Variants in CASZ1 observed in about 807,000 individuals in gnomAD.
CASZ1 encodes zinc finger protein castor homolog 1.
A neutral mutation model predicts 135.2 loss-of-function variants in CASZ1; 28 were observed. That is an observed-to-expected ratio of 0.21 (90% CI 0.15 to 0.28). CASZ1 has a LOEUF of 0.28. Ranked by LOEUF, CASZ1 falls within the 10% of genes least tolerant of loss-of-function variation. CASZ1 has a pLI of 1.00. For missense variants in CASZ1, 2,161 were observed against 2,453.3 expected, an observed-to-expected ratio of 0.88 and a Z score of 2.52; for synonymous variants, 1,068 against 1,073.4, an observed-to-expected ratio of 0.99 and a Z score of 0.10.
intron 2 of CASZ1, among the ~76,000 whole-genome samples, chr1:10,743,135 C>T (rs1570548076): frequency 6.6e-6 from 1 of 152,080 alleles, no homozygotes; most frequent in East Asian, 1.9e-4. Context: ...GTCCCTGAAG[C>T]TCAGGCAGGG....
chr1:10,657,331 A>G lies in CASZ1; in HGVS notation c.1410-595T>C, dbSNP rs970872193. Among the ~76,000 whole-genome samples, 2 of 152,178 alleles carry G rather than the reference A, an allele frequency of 1.3e-5. No individual in the cohort carries two copies. Among genetic ancestry groups the G allele is most frequent in the Non-Finnish European group, 2.9e-5 (2 of 68,028 alleles). ...TCCTCCAGGCCCCAGGGCCGCTGGG[A>G]CGTGGCTCCCACAGCCTCGGTGACG... On this transcript the variant is annotated intron_variant, in intron 7 of 20. Transcript: ENST00000377022. The surrounding 1 kb of genome is among the most constrained non-coding windows in gnomAD (Gnocchi z 5.7).
At chr1:10,640,378 G>A (rs1480571422) in intron 20 of CASZ1, among the ~76,000 whole-genome samples, 1 of 152,226 alleles carries the variant, frequency 6.6e-6, no homozygotes, top group Non-Finnish European at 1.5e-5. Context: ...GTGAGGACAC[G>A]TCCTGGCGCT....
rs766384219 is a variant in CASZ1 at position 10,648,027 on chromosome 1, G to A, written c.3271C>T (p.Pro1091Ser). 2.5e-6 allele frequency: 4 copies of A among 1,600,628 alleles called. No individual in the cohort carries two copies. Among genetic ancestry groups the A allele is most frequent in the Non-Finnish European group, 2.6e-6 (3 of 1,173,288 alleles). ...GAGGACACCGTGGCCGTGGTGACAG[G>A]AGGGACCGGAGGGGACGAGGGGGCC... is the stretch of plus-strand genomic sequence containing the variant. ...PMAPSSPPVPPVTTATVSSLE... is the reference protein window; with the variant it reads ...PMAPSSPPVPSVTTATVSSLE... The change falls in exon 16 of 21, where the codon CCT (proline) becomes TCT (serine). Residue 1091 changes from proline (P) to serine (S), a missense_variant. This residue lies in a region of CASZ1 where 349 missense variants were observed against 460.8 expected (regional missense o/e 0.76). Coordinates refer to ENST00000377022, the MANE Select transcript of CASZ1 (RefSeq NM_001079843.3).
chr1:10,743,954 C>T (rs1238418048), intron 2 of CASZ1, among the ~76,000 whole-genome samples: 1 of 152,016 alleles, frequency 6.6e-6, no homozygotes, highest in Non-Finnish European at 1.5e-5. Flanking sequence ...ATAAAAAATC[C>T]AGCCGCCTCA....
At chr1:10,745,800 A>T (rs1557547567) in intron 2 of CASZ1, among the ~76,000 whole-genome samples, 2 of 152,146 alleles carry the variant, frequency 1.3e-5, no homozygotes, top group African/African-American at 4.8e-5. Context: ...TAGAAGATGG[A>T]GTGATCACAC....
rs1448331209 is a variant in CASZ1 at position 10,697,643 on chromosome 1, G to T, written c.-23-3731C>A. On this transcript the variant is annotated intron_variant, in intron 3 of 20. Transcript: ENST00000377022. This position sits in a 1 kb window ranked among gnomAD's most constrained non-coding sequence, Gnocchi z 4.7. ...CTACACTCTCTCCCTCCCGAGCCTG[G>T]GGCCTTCTCACTCACCAGCCTGTTT... Among the ~76,000 whole-genome samples the T allele has an allele frequency of 6.6e-6, 1 of 151,720 alleles. No homozygotes were observed. Among genetic ancestry groups the T allele is most frequent in the Non-Finnish European group, 1.5e-5 (1 of 68,002 alleles).
rs199629726 is a variant in CASZ1, at chr1:10,646,326, G to A, written c.3498C>T (p.Asn1166=). 5.0e-4 allele frequency: 812 copies of A among 1,613,772 alleles called. 3 individuals carry two copies. In the African/African-American group the frequency reaches 7.3e-3, roughly 14 times the overall value. The change falls in exon 17 of 21, where the codon AAC becomes AAT. Residue 1166 remains asparagine (N), a splice_region_variant and synonymous_variant. Coordinates refer to ENST00000377022, the MANE Select transcript of CASZ1 (RefSeq NM_001079843.3). The surrounding 1 kb of genome is among the most constrained non-coding windows in gnomAD (Gnocchi z 6.4). ...VKPGFLQFQE[N]DPCLATDCKY... is the part of the protein sequence containing the mutation. ...TGCAGTCCGTGGCGAGGCAAGGATCGCTGGAAGGAAACCACAGCCCAGAAG... is the reference window on the plus strand; with the variant it reads ...TGCAGTCCGTGGCGAGGCAAGGATCACTGGAAGGAAACCACAGCCCAGAAG...
At chr1:10,645,994 C>G (rs560457899) in intron 17 of CASZ1, 134 bp downstream of exon 17, 1 of 854,628 alleles carries the variant, frequency 1.2e-6, no homozygotes, top group African/African-American at 1.7e-5. Context: ...TTTCCAGAGT[C>G]CGGGAGGCCC....
rs570506122 is a variant in CASZ1, at chr1:10,664,876, T to G, written c.505+207A>C. Among the ~76,000 whole-genome samples the G allele has an allele frequency of 1.3e-3, 197 of 147,042 alleles. 1 individual carries two copies. The highest frequency in any genetic ancestry group is 1.1e-3 in the Non-Finnish European group (76 of 66,662). ...TGGTTTCTTGAAGACCCACTGTGTG[T>G]GGGGCAGCTGCAGCCCTTCCCTTCT... is the stretch of plus-strand genomic sequence containing the variant. On this transcript the variant is annotated intron_variant, in intron 5 of 20. Coordinates refer to ENST00000377022, the MANE Select transcript of CASZ1 (RefSeq NM_001079843.3).
intron 4 of CASZ1, among the ~76,000 whole-genome samples, chr1:10,673,751 C>T (rs1216840366): frequency 2.0e-5 from 3 of 152,200 alleles, no homozygotes; most frequent in African/African-American, 7.2e-5. Flanking sequence ...ACCTCTGGCC[C>T]TGCCAGCAGG....
At chr1:10,683,350 C>A (rs555065320) in intron 4 of CASZ1, among the ~76,000 whole-genome samples, 1 of 152,260 alleles carries the variant, frequency 6.6e-6, no homozygotes, top group South Asian at 2.1e-4. Context: ...TGGGCAAACT[C>A]AATACAGCCC....
At position 10,774,293 on chromosome 1, in the gene CASZ1, A is replaced by G. The variant is rs1436532055; in HGVS notation, c.-233-13436T>C. On this transcript the variant is annotated intron_variant, in intron 1 of 20. Transcript: ENST00000377022. The surrounding 1 kb of genome is among the most constrained non-coding windows in gnomAD (Gnocchi z 4.4). ...TCGGGAACCATTTCAAAAGCTAAAC[A>G]ATCTACCCCTTTTAAATGTTCTCAA... 1.3e-5 allele frequency among the ~76,000 whole-genome samples: 2 copies of G among 152,076 alleles called. No individual in the cohort carries two copies. The highest frequency in any genetic ancestry group is 4.8e-5 in the African/African-American group (2 of 41,384).
In CASZ1 at chr1:10,725,592, T is replaced by C. The variant is rs1639581711; in HGVS notation, c.-76-20048A>G. 6.6e-6 allele frequency among the ~76,000 whole-genome samples: 1 copy of C among 152,220 alleles called. No individual in the cohort carries two copies. Among genetic ancestry groups the C allele is most frequent in the Non-Finnish European group, 1.5e-5 (1 of 68,042 alleles). Reference sequence around the variant, plus strand: ...TGTAAGTAATTTTTAGGTAATCCACTCCAGATTTTGATATTAACCTTTGAA... The same window carrying C: ...TGTAAGTAATTTTTAGGTAATCCACCCCAGATTTTGATATTAACCTTTGAA... On this transcript the variant is annotated intron_variant, in intron 2 of 20. Coordinates refer to ENST00000377022, the MANE Select transcript of CASZ1 (RefSeq NM_001079843.3). The surrounding 1 kb of genome is among the most constrained non-coding windows in gnomAD (Gnocchi z 4.4).
chr1:10,781,919 C>T lies in CASZ1; in HGVS notation c.-234+14645G>A, dbSNP rs891367585. On this transcript the variant is annotated intron_variant, in intron 1 of 20. Transcript: ENST00000377022. ...ATAAGGAGAGACTAGGGATTTGAGC[C>T]GAGGACTTTACCACTATCCTCCCAG... Among the ~76,000 whole-genome samples the T allele has an allele frequency of 5.9e-5, 9 of 152,316 alleles. No individual in the cohort carries two copies. The South Asian group carries it at 1.2e-3, about 21-fold the overall frequency.
intron 4 of CASZ1, among the ~76,000 whole-genome samples, chr1:10,686,120 C>G (rs890684106): frequency 2.0e-4 from 31 of 152,258 alleles, no homozygotes; most frequent in African/African-American, 6.7e-4. Flanking sequence ...GGCCCCCCAC[C>G]CAGCACGGGG....
chr1:10,689,520 C>T (rs576054193), intron 4 of CASZ1, among the ~76,000 whole-genome samples: 26 of 152,224 alleles, frequency 1.7e-4, no homozygotes, highest in Non-Finnish European at 8.8e-5. Context: ...CCTCGCTGGT[C>T]CCTACCAGGG....
At chr1:10,770,482 G>T (rs1640556473) in intron 1 of CASZ1, among the ~76,000 whole-genome samples, 1 of 152,206 alleles carries the variant, frequency 6.6e-6, no homozygotes, top group Non-Finnish European at 1.5e-5. Flanking sequence ...GCCCTAAAAG[G>T]AGGTAATTCC....
intron 2 of CASZ1, among the ~76,000 whole-genome samples, chr1:10,738,162 A>G (rs1639837183): frequency 6.6e-6 from 1 of 152,174 alleles, no homozygotes; most frequent in Non-Finnish European, 1.5e-5. Context: ...AAACAAGGAG[A>G]GTGACAGGGA....
In CASZ1 at chr1:10,727,569, C is replaced by T. The variant is rs1415940965; in HGVS notation, c.-76-22025G>A. On this transcript the variant is annotated intron_variant, in intron 2 of 20. Transcript: ENST00000377022. The surrounding 1 kb of genome is among the most constrained non-coding windows in gnomAD (Gnocchi z 5.3). ...CTCTCTTCCTTGGTCCCCATAGCCC[C>T]CAAGCCAGGTTCCTAGACTCCAAGA... Among the ~76,000 whole-genome samples the T allele has an allele frequency of 7.9e-5, 12 of 152,144 alleles. No individual in the cohort carries two copies.
Sources: allele counts gnomAD v4.1 joint callset (sites outside exome capture counted in the v4.1 genomes callset), GRCh38; gene constraint gnomAD v4.1.1; regional missense constraint gnomAD v4.1.1; non-coding constraint Gnocchi (gnomAD v3.1); transcripts MANE v1.5; gene names NCBI Gene and HGNC (gene_info 2026-07-23, HGNC 2026-07-21).